Variants in BLTP1 observed in about 807,000 individuals in gnomAD.
BLTP1 encodes fragile site-associated protein.
the BLTP1 span, chr4:122,187,135 T>A: frequency 1.0e-6 from 1 of 984,380 alleles, no homozygotes; most frequent in South Asian, 4.7e-5. Flanking sequence ...ATGGTAGATG[T>A]AATGACAGCA....
the BLTP1 span, chr4:122,350,552 G>A: frequency 1.1e-5 from 2 of 189,612 alleles, no homozygotes; most frequent in African/African-American, 4.7e-5. Flanking sequence ...TAATGGGAGA[G>A]AAAGACCATA....
At chr4:122,336,537 C>T in the BLTP1 span, 1 of 569,486 alleles carries the variant, frequency 1.8e-6, no homozygotes. Flanking sequence ...GAAACTAAGT[C>T]CTGGTGAGGT....
At chr4:122,278,526 A>G in the BLTP1 span, among the ~76,000 whole-genome samples, 2 of 152,170 alleles carry the variant, frequency 1.3e-5, no homozygotes, top group Non-Finnish European at 2.9e-5. Context: ...TAGTAAAGCT[A>G]GGGCTACCTT....
At chr4:122,192,032 T>C in the BLTP1 span, 1 of 167,214 alleles carries the variant, frequency 6.0e-6, no homozygotes, top group African/African-American at 2.4e-5. Flanking sequence ...TTTTTAAAAT[T>C]GCTAAATTTT....
At chr4:122,192,918 A>G in the BLTP1 span, among the ~76,000 whole-genome samples, 1 of 152,176 alleles carries the variant, frequency 6.6e-6, no homozygotes, top group South Asian at 2.1e-4. Flanking sequence ...ACAGAAATGT[A>G]TTTTCTCACA....
chr4:122,240,225 T>A, the BLTP1 span: 133 of 1,614,030 alleles, frequency 8.2e-5, no homozygotes, highest in Admixed American at 1.2e-4. Flanking sequence ...GGTAATTAAT[T>A]GGTCAGTTAA....
chr4:122,361,694 T>C, the BLTP1 span, among the ~76,000 whole-genome samples: 2 of 152,234 alleles, frequency 1.3e-5, no homozygotes, highest in African/African-American at 4.8e-5. Flanking sequence ...TTTCTCCCAT[T>C]ATGCCACATG....
the BLTP1 span, chr4:122,301,531 A>G: frequency 2.4e-5 from 11 of 467,968 alleles, no homozygotes; most frequent in Non-Finnish European, 4.1e-5. Context: ...CTACTCAGAG[A>G]AAAAGCTTTA....
At chr4:122,325,383 T>G in the BLTP1 span, 124 of 1,521,422 alleles carry the variant, frequency 8.2e-5, no homozygotes, top group Non-Finnish European at 8.7e-5. Flanking sequence ...ATTACAAAAT[T>G]ATGGTATTAT....
chr4:122,203,253 A>C, the BLTP1 span, among the ~76,000 whole-genome samples: 1 of 151,912 alleles, frequency 6.6e-6, no homozygotes, highest in Non-Finnish European at 1.5e-5. Flanking sequence ...TGTTCTTAAG[A>C]GATTTCAATG....
At chr4:122,334,765 T>C in the BLTP1 span, among the ~76,000 whole-genome samples, 2 of 152,086 alleles carry the variant, frequency 1.3e-5, no homozygotes, top group Non-Finnish European at 2.9e-5. Context: ...AAATAAATAA[T>C]ATACCAAATA....
the BLTP1 span, among the ~76,000 whole-genome samples, chr4:122,326,241 T>A: frequency 1.3e-5 from 2 of 151,778 alleles, no homozygotes; most frequent in Admixed American, 6.6e-5. Context: ...AATTTTTTCA[T>A]AAACAAAGAT....
chr4:122,311,534 T>C, the BLTP1 span, among the ~76,000 whole-genome samples: 2 of 152,056 alleles, frequency 1.3e-5, no homozygotes, highest in African/African-American at 2.4e-5. Flanking sequence ...GGCAGAGAAA[T>C]AAGGAATGTT....
chr4:122,302,380 A>C, the BLTP1 span: 1 of 247,872 alleles, frequency 4.0e-6, no homozygotes, highest in Non-Finnish European at 6.4e-6. Context: ...CCATTTTTCC[A>C]ATAGCATATA....
At chr4:122,229,111 T>C in the BLTP1 span, 2 of 1,579,464 alleles carry the variant, frequency 1.3e-6, no homozygotes, top group Non-Finnish European at 1.7e-6. Flanking sequence ...ACAATCCTTT[T>C]TTATTTTAGT....
the BLTP1 span, chr4:122,162,612 A>C: frequency 1.0e-6 from 1 of 985,308 alleles, no homozygotes. Flanking sequence ...CTCATCCATA[A>C]TTCCTTTCAG....
At chr4:122,332,144 G>A in the BLTP1 span, among the ~76,000 whole-genome samples, 1 of 151,866 alleles carries the variant, frequency 6.6e-6, no homozygotes, top group African/African-American at 2.4e-5. Context: ...TAAAAAGAAT[G>A]CTGACAATTA....
At chr4:122,222,235 C>T in the BLTP1 span, among the ~76,000 whole-genome samples, 367 of 152,182 alleles carry the variant, frequency 2.4e-3, 3 homozygotes, top group African/African-American at 8.1e-3. Flanking sequence ...CTTCATCTGT[C>T]GTTATACTAT....
the BLTP1 span, chr4:122,161,208 T>C: frequency 1.4e-6 from 1 of 737,632 alleles, no homozygotes; most frequent in African/African-American, 1.9e-5. Flanking sequence ...GTGGATGGCT[T>C]AGGTCCAAAG....
Sources: gnomAD v4.1 joint callset for allele counts (sites outside exome capture counted in the v4.1 genomes callset) on GRCh38, gnomAD v4.1.1 for gene constraint, MANE v1.5 for transcripts, NCBI Gene and HGNC (gene_info 2026-07-23, HGNC 2026-07-21) for gene names.